Variants in PGD observed in about 807,000 individuals in gnomAD.
The protein encoded by PGD is phosphogluconate dehydrogenase.
PGD carries 21 observed loss-of-function variants against 60.4 expected under a neutral mutation model. That is an observed-to-expected ratio of 0.35 (90% CI 0.25 to 0.50). PGD has a LOEUF of 0.50. Ranked by LOEUF, PGD falls within the 20% of genes least tolerant of loss-of-function variation. The probability of loss-of-function intolerance (pLI) is 0.98; values close to 1 mark genes in which losing one functional copy is unlikely to be tolerated. For missense variants in PGD, 477 were observed against 613.1 expected, an observed-to-expected ratio of 0.78 and a Z score of 2.34; for synonymous variants, 230 against 235.9, an observed-to-expected ratio of 0.97 and a Z score of 0.23.
chr1:10,409,040 C>T (rs1003087471), intron 6 of PGD, among the ~76,000 whole-genome samples: 3 of 152,206 alleles, frequency 2.0e-5, no homozygotes, highest in Admixed American at 2.0e-4. Flanking sequence ...TGACATCAGG[C>T]AAGCCACGTC....
chr1:10,400,848 T>C (rs867753792), intron 3 of PGD, among the ~76,000 whole-genome samples: 2 of 152,164 alleles, frequency 1.3e-5, no homozygotes, highest in South Asian at 2.1e-4. Flanking sequence ...CCAGCACTTT[T>C]TGGGAGGCTG....
intron 12 of PGD, 26 bp from the exon 13 acceptor site, chr1:10,419,604 G>T: frequency 6.2e-7 from 1 of 1,614,072 alleles, no homozygotes; most frequent in South Asian, 1.1e-5. Context: ...GGACTGTCCT[G>T]ACCAACCTAC....
Position 10,419,314 on chromosome 1 carries a change from G to A in PGD, c.1210-103G>A, listed in dbSNP as rs538081307. The stretch of plus-strand genomic sequence containing the variant: ...TGACAGGCGTGAGCCACCGCGCCTG[G>A]CCTAACCATCAGTTTTTCATTTACC... On this transcript the variant is annotated intron_variant, in intron 11 of 12. Coordinates refer to ENST00000270776, the MANE Select transcript of PGD (RefSeq NM_002631.4). 2.9e-5 allele frequency: 43 copies of A among 1,497,908 alleles called. No homozygotes were observed. The African/African-American group carries it at 5.7e-4, about 20-fold the overall frequency. 92.8% of individuals were successfully genotyped at this position (1,497,908 alleles called of 1,614,324 possible).
intron 10 of PGD, 38 bp downstream of exon 10, chr1:10,417,547 T>A (rs1557766153): frequency 6.3e-7 from 1 of 1,579,164 alleles, no homozygotes; most frequent in East Asian, 2.2e-5. Flanking sequence ...CGGGAAGGAC[T>A]CACACGGCTG....
At chr1:10,404,522 CT>C (rs57895243) in intron 5 of PGD, among the ~76,000 whole-genome samples, 20,358 of 143,924 alleles carry the variant, frequency 0.14, 1,442 homozygotes, top group African/African-American at 0.18. Context: ...TCTAAATAGG[CT>C]TTTTTTTTTT....
At chr1:10,402,919 A>G (rs1639339248) in intron 3 of PGD, 152 bp from the exon 4 acceptor site, 1 of 628,264 alleles carries the variant, frequency 1.6e-6, no homozygotes, top group Non-Finnish European at 2.9e-6. Flanking sequence ...TCAGGGTTTC[A>G]GTGAGCCATG....
chr1:10,417,399 C>G lies in PGD; in HGVS notation c.999C>G (p.Ile333Met), dbSNP rs757944320. Residue 333 changes from isoleucine to methionine, a missense_variant, in exon 10 of 13, where the codon ATC (isoleucine) becomes ATG (methionine). Around this residue, in one of 3 missense-constraint regions of PGD, gnomAD observed 431 missense variants for 556.6 expected, o/e 0.77. Coordinates refer to ENST00000270776, the MANE Select transcript of PGD (RefSeq NM_002631.4). The stretch of plus-strand genomic sequence containing the variant: ...AGGCACTCTACGCTTCCAAGATCAT[C>G]TCTTACGCTCAAGGCTTTATGCTGC... ...IRKALYASKI[I>M]SYAQGFMLLR... 8 of 1,612,658 alleles carry G rather than the reference C, an allele frequency of 5.0e-6. No individual in the cohort carries two copies. The highest frequency in any genetic ancestry group is 6.8e-6 in the Non-Finnish European group (8 of 1,179,434).
chr1:10,419,308 C>A, intron 11 of PGD, 109 bp from the exon 12 acceptor site: 2 of 1,467,402 alleles, frequency 1.4e-6, no homozygotes, highest in Non-Finnish European at 1.8e-6. Flanking sequence ...TGAGCCACCG[C>A]GCCTGGCCTA....
intron 5 of PGD, among the ~76,000 whole-genome samples, chr1:10,405,107 G>A (rs1039472063): frequency 3.3e-5 from 5 of 152,138 alleles, no homozygotes; most frequent in Non-Finnish European, 7.3e-5. Context: ...GGGCGTGGTG[G>A]CTCACGCCTG....
Position 10,403,151 on chromosome 1 carries a change from G to C in PGD, c.330+15G>C. On this transcript the variant is annotated intron_variant, in intron 4 of 12. Coordinates refer to ENST00000270776, the MANE Select transcript of PGD (RefSeq NM_002631.4). ...GGGACACCACAGTAAGTGTTCTTCA[G>C]TCCAGATTCTTCCAGGTTCCGAGAA... 1 of 1,566,582 alleles carries C rather than the reference G, an allele frequency of 6.4e-7. No homozygotes were observed. The highest frequency in any genetic ancestry group is 1.7e-4 in the Middle Eastern group (1 of 5,980).
intron 11 of PGD, 147 bp from the exon 12 acceptor site, chr1:10,419,270 G>C (rs2124218250): frequency 9.5e-7 from 1 of 1,055,718 alleles, no homozygotes. Flanking sequence ...GCCCACCTCA[G>C]CCTTCCAAAG....
chr1:10,412,730 A>G (rs987748329), intron 7 of PGD: 3 of 232,220 alleles, frequency 1.3e-5, no homozygotes, highest in Middle Eastern at 1.6e-3. Context: ...GATGACTGTG[A>G]GAACGAAGAG....
chr1:10,416,699 C>T (rs1000292932), intron 8 of PGD, among the ~76,000 whole-genome samples: 8 of 152,088 alleles, frequency 5.3e-5, no homozygotes. Flanking sequence ...GGGTTTTTCT[C>T]TTACGGGCAG....
chr1:10,413,207 C>A lies in PGD; in HGVS notation c.800C>A (p.Thr267Asn). 1 of 1,614,196 alleles carries A rather than the reference C, an allele frequency of 6.2e-7. No homozygotes were observed. The highest frequency in any genetic ancestry group is 8.5e-7 in the Non-Finnish European group (1 of 1,180,032). Residue 267 changes from threonine (T) to asparagine (N), a missense_variant, in exon 8 of 13, where the codon ACC becomes AAC. Thr to Asn is a moderately conservative substitution (Grantham distance 65). Transcript: ENST00000270776. Reference protein sequence around the residue: ...SAGQKGTGKWTAISALEYGVP... With the variant: ...SAGQKGTGKWNAISALEYGVP... The stretch of plus-strand genomic sequence containing the variant: ...GGGCAGAAGGGCACAGGGAAGTGGA[C>A]CGCCATCTCCGCCCTGGAATACGGC...
intron 2 of PGD, 28 bp downstream of exon 2, chr1:10,399,732 C>G (rs1639282586): frequency 6.2e-7 from 1 of 1,604,824 alleles, no homozygotes; most frequent in African/African-American, 1.3e-5. Flanking sequence ...GTTGTCTTCT[C>G]TCTGGTTCCC....
At chr1:10,406,706 A>G (rs1639411343) in intron 5 of PGD, among the ~76,000 whole-genome samples, 1 of 152,204 alleles carries the variant, frequency 6.6e-6, no homozygotes, top group Admixed American at 6.5e-5. Context: ...TTGACTGGCC[A>G]TTAGGGAGCA....
chr1:10,407,789 C>CA (rs892977178), intron 5 of PGD, among the ~76,000 whole-genome samples: 8 of 151,244 alleles, frequency 5.3e-5, no homozygotes, highest in African/African-American at 1.9e-4. Context: ...CTACAAAATC[C>CA]AAAAAAATGA....
At chr1:10,399,159 C>G (rs1355373075) in intron 1 of PGD, 34 bp downstream of exon 1, 1 of 1,606,542 alleles carries the variant, frequency 6.2e-7, no homozygotes, top group South Asian at 1.1e-5. Flanking sequence ...CCGGCTCGGC[C>G]TCAGCGGGCG....
Position 10,403,079 on chromosome 1 carries a change from G to T in PGD, c.273G>T (p.Leu91Phe). ...CTGGTGTCTGGTTACAGGTACCATT[G>T]TTGGATACTGGTGACATCATCATTG... ...VDDFIEKLVP[L>F]LDTGDIIIDG... Residue 91 changes from leucine (L) to phenylalanine (F), a missense_variant, in exon 4 of 13, where the codon TTG becomes TTT. Around this residue, in one of 3 missense-constraint regions of PGD, gnomAD observed 431 missense variants for 556.6 expected, o/e 0.77. Transcript: ENST00000270776. 1.2e-6 allele frequency: 2 copies of T among 1,608,052 alleles called. No homozygotes were observed. Among genetic ancestry groups the T allele is most frequent in the Non-Finnish European group, 1.7e-6 (2 of 1,174,576 alleles).
Sources: allele counts gnomAD v4.1 joint callset (sites outside exome capture counted in the v4.1 genomes callset), GRCh38; gene constraint gnomAD v4.1.1; regional missense constraint gnomAD v4.1.1; transcripts MANE v1.5; gene names NCBI Gene and HGNC (gene_info 2026-07-23, HGNC 2026-07-21).